The following KCNH7 variants were observed in gnomAD, a reference collection of about 807,000 sequenced individuals.
KCNH7 encodes potassium voltage-gated channel subfamily H member 7, also known as voltage-gated inwardly rectifying potassium channel KCNH7.
Under a neutral mutation model 120.8 loss-of-function variants are expected in KCNH7, and 49 were observed. That is an observed-to-expected ratio of 0.41 (90% CI 0.32 to 0.51). The LOEUF is 0.51. Among genes scored for constraint, KCNH7 ranks in the 20% least tolerant of loss-of-function variants. KCNH7 has a pLI of 0.38. For missense variants in KCNH7, 1,097 were observed against 1,446.6 expected (o/e 0.76, Z 3.92); for synonymous variants, 547 against 516.1 (o/e 1.06, Z -0.81).
At chr2:162,678,040 C>T (rs1685584953) in intron 2 of KCNH7, among the ~76,000 whole-genome samples, 1 of 151,294 alleles carries the variant, frequency 6.6e-6, no homozygotes, top group Admixed American at 6.6e-5. Context: ...TGTAAATATG[C>T]AAGTGTTAAA....
At chr2:162,699,759 G>C (rs1686425035) in intron 2 of KCNH7, among the ~76,000 whole-genome samples, 1 of 152,004 alleles carries the variant, frequency 6.6e-6, no homozygotes, top group Non-Finnish European at 1.5e-5. Flanking sequence ...CCTGTTCCTG[G>C]TGAACACAGT....
At chr2:162,542,499 C>T (rs528357364) in intron 2 of KCNH7, among the ~76,000 whole-genome samples, 29 of 147,184 alleles carry the variant, frequency 2.0e-4, no homozygotes, top group African/African-American at 7.0e-4. Flanking sequence ...GAACATGCAG[C>T]GTTTGGCTTT....
At chr2:162,573,432 T>C (rs1021790037) in intron 2 of KCNH7, among the ~76,000 whole-genome samples, 2 of 152,024 alleles carry the variant, frequency 1.3e-5, no homozygotes, top group Non-Finnish European at 2.9e-5. Flanking sequence ...ACTAATAGCA[T>C]AATTAAAATA....
At chr2:162,385,144 T>C (rs1686537225) in intron 12 of KCNH7, among the ~76,000 whole-genome samples, 1 of 151,890 alleles carries the variant, frequency 6.6e-6, no homozygotes, top group Non-Finnish European at 1.5e-5. Context: ...TAAAAGAATA[T>C]TTACAATGGT....
At chr2:162,595,598 C>T (rs1318175425) in intron 2 of KCNH7, among the ~76,000 whole-genome samples, 3 of 151,810 alleles carry the variant, frequency 2.0e-5, no homozygotes, top group Non-Finnish European at 4.4e-5. Context: ...ATATGACAAG[C>T]CTACAGTTGA....
intron 1 of KCNH7, among the ~76,000 whole-genome samples, chr2:162,837,379 T>TAC (rs1469536723): frequency 6.6e-6 from 1 of 152,186 alleles, no homozygotes; most frequent in Non-Finnish European, 1.5e-5. Flanking sequence ...GAAAAATATT[T>TAC]ACACACACAC....
intron 2 of KCNH7, among the ~76,000 whole-genome samples, chr2:162,612,017 A>G (rs1682986615): frequency 6.6e-6 from 1 of 152,164 alleles, no homozygotes; most frequent in Non-Finnish European, 1.5e-5. Flanking sequence ...AAAGGATAGA[A>G]TTTCACTTCT....
chr2:162,757,138 T>A (rs1300507373), intron 2 of KCNH7, among the ~76,000 whole-genome samples: 1 of 152,194 alleles, frequency 6.6e-6, no homozygotes, highest in African/African-American at 2.4e-5. Flanking sequence ...TAGATTATTA[T>A]TTTTTATTTG....
intron 2 of KCNH7, among the ~76,000 whole-genome samples, chr2:162,542,406 C>G (rs1345620849): frequency 8.2e-6 from 1 of 121,638 alleles, no homozygotes; most frequent in Non-Finnish European, 1.7e-5. Context: ...CCCCCTCCCC[C>G]CACCCCACAA....
At chr2:162,460,690 A>T (rs1408680484) in intron 6 of KCNH7, among the ~76,000 whole-genome samples, 1 of 152,112 alleles carries the variant, frequency 6.6e-6, no homozygotes, top group East Asian at 1.9e-4. Context: ...TGACACCTTG[A>T]CCTTGAATTT....
intron 9 of KCNH7, among the ~76,000 whole-genome samples, chr2:162,403,588 A>T (rs184486534): frequency 5.3e-5 from 8 of 152,034 alleles, no homozygotes; most frequent in African/African-American, 1.9e-4. Context: ...ATTGGAAGTG[A>T]CACCCATTGG....
At chr2:162,523,627 C>T (rs1283587228) in intron 3 of KCNH7, among the ~76,000 whole-genome samples, 4 of 151,462 alleles carry the variant, frequency 2.6e-5, no homozygotes, top group Non-Finnish European at 5.9e-5. Flanking sequence ...ACTATGACAC[C>T]CACTTTTGAC....
chr2:162,449,568 AAG>A (rs1688697070), intron 6 of KCNH7, among the ~76,000 whole-genome samples: 2 of 152,022 alleles, frequency 1.3e-5, no homozygotes, highest in African/African-American at 4.8e-5. Flanking sequence ...TCCCTATAAG[AAG>A]AGAGAAGTTT....
chr2:162,635,441 T>C (rs1683922205), intron 2 of KCNH7, among the ~76,000 whole-genome samples: 1 of 152,092 alleles, frequency 6.6e-6, no homozygotes, highest in Non-Finnish European at 1.5e-5. Context: ...TAATCATTGC[T>C]TATTCCAGAT....
chr2:162,607,762 C>T (rs1441991821), intron 2 of KCNH7, among the ~76,000 whole-genome samples: 1 of 151,856 alleles, frequency 6.6e-6, no homozygotes, highest in Non-Finnish European at 1.5e-5. Flanking sequence ...ATAAGTTATA[C>T]AAATTATTTT....
Position 162,517,690 on chromosome 2 carries a change from C to T in KCNH7, c.892+40G>A, listed in dbSNP as rs749777103. The T allele has an allele frequency of 1.0e-5, 14 of 1,386,156 alleles. No individual in the cohort carries two copies. The East Asian group carries it at 3.1e-4, about 30-fold the overall frequency. 85.9% of individuals were successfully genotyped at this position (1,386,156 alleles called of 1,614,324 possible). ...AATATGCAAATAATCATTTATTACC[C>T]ATTAATATATGTTTCCATTTAAAAA... On this transcript the variant is annotated intron_variant, in intron 4 of 15. Coordinates refer to ENST00000332142, the MANE Select transcript of KCNH7 (RefSeq NM_033272.4).
At chr2:162,558,309 G>A (rs79717273) in intron 2 of KCNH7, among the ~76,000 whole-genome samples, 4 of 151,872 alleles carry the variant, frequency 2.6e-5, no homozygotes, top group African/African-American at 9.7e-5. Context: ...TGAGTAGCTG[G>A]GACTACAGGT....
intron 9 of KCNH7, among the ~76,000 whole-genome samples, chr2:162,407,184 T>G (rs543903281): frequency 1.3e-5 from 2 of 152,142 alleles, no homozygotes; most frequent in Admixed American, 1.3e-4. Context: ...AAACTAAATT[T>G]CTTCATGTAG....
At chr2:162,496,302 C>A (rs2105731310) in intron 6 of KCNH7, among the ~76,000 whole-genome samples, 1 of 152,250 alleles carries the variant, frequency 6.6e-6, no homozygotes, top group East Asian at 1.9e-4. Context: ...GAACCTGTGA[C>A]CAGCCCCACA....
Sources: allele counts gnomAD v4.1 joint callset (sites outside exome capture counted in the v4.1 genomes callset), GRCh38; gene constraint gnomAD v4.1.1; transcripts MANE v1.5; gene names NCBI Gene and HGNC (gene_info 2026-07-23, HGNC 2026-07-21).